BAZ1B: variants seen among roughly 807,000 people sequenced by gnomAD.
BAZ1B encodes the protein bromodomain adjacent to zinc finger domain 1B, also known as tyrosine-protein kinase BAZ1B.
Under a neutral mutation model 153.8 loss-of-function variants are expected in BAZ1B, and 22 were observed. The ratio of observed to expected loss-of-function variants is 0.14; its 90% CI spans 0.10 to 0.20. The LOEUF is 0.20. Ranked by LOEUF, BAZ1B falls within the 10% of genes least tolerant of loss-of-function variation. The probability of loss-of-function intolerance (pLI) is 1.00; values close to 1 mark genes in which losing one functional copy is unlikely to be tolerated. For synonymous variants in BAZ1B, 676 were observed against 633.4 expected (o/e 1.07, Z -1.01); for missense variants, 1,325 against 1,799.3 (o/e 0.74, Z 4.77).
chr7:73,457,750 G>A (rs782763433), intron 13 of BAZ1B, among the ~76,000 whole-genome samples: 2 of 152,148 alleles, frequency 1.3e-5, no homozygotes, highest in Non-Finnish European at 2.9e-5. Context: ...ATGATTAGAA[G>A]ACTGGAATGT....
intron 3 of BAZ1B, among the ~76,000 whole-genome samples, chr7:73,502,545 G>A (rs115897111): frequency 0.012 from 1,897 of 151,924 alleles, 42 homozygotes; most frequent in African/African-American, 0.044. Flanking sequence ...GAACAGCCTT[G>A]GCAACTTGGT....
intron 3 of BAZ1B, among the ~76,000 whole-genome samples, chr7:73,502,010 C>A (rs1790152732): frequency 6.6e-6 from 1 of 151,644 alleles, no homozygotes; most frequent in East Asian, 1.9e-4. Context: ...CCTGTCTCAG[C>A]CTTCCAAGTA....
intron 8 of BAZ1B, among the ~76,000 whole-genome samples, chr7:73,469,935 T>G (rs781854661): frequency 6.6e-6 from 1 of 152,210 alleles, no homozygotes; most frequent in Non-Finnish European, 1.5e-5. Flanking sequence ...CTTGAACTCC[T>G]GGCCTCAAGC....
chr7:73,515,106 C>T (rs1450259445), intron 1 of BAZ1B, among the ~76,000 whole-genome samples: 1 of 152,144 alleles, frequency 6.6e-6, no homozygotes, highest in Non-Finnish European at 1.5e-5. Context: ...CTCACACAAT[C>T]ACGACGAACT....
chr7:73,444,302 C>T (rs1052649558), intron 16 of BAZ1B, among the ~76,000 whole-genome samples, 173 bp from the exon 17 acceptor site: 34 of 152,284 alleles, frequency 2.2e-4, no homozygotes, highest in Non-Finnish European at 4.9e-4. Flanking sequence ...TAACAGGACA[C>T]TAAAAGGCAG....
intron 6 of BAZ1B, among the ~76,000 whole-genome samples, chr7:73,488,291 T>C (rs1259496761): frequency 6.6e-6 from 1 of 152,322 alleles, no homozygotes; most frequent in Middle Eastern, 3.4e-3. Context: ...TCAGAAATCC[T>C]AGGCCAGTGT....
intron 1 of BAZ1B, among the ~76,000 whole-genome samples, chr7:73,520,035 C>T (rs908268211): frequency 3.3e-5 from 5 of 151,966 alleles, no homozygotes; most frequent in Admixed American, 3.3e-4. Flanking sequence ...TGGTAAAACC[C>T]CATCTCTACT....
chr7:73,521,572 C>T (rs947938012), intron 1 of BAZ1B, among the ~76,000 whole-genome samples: 4 of 151,976 alleles, frequency 2.6e-5, no homozygotes, highest in Admixed American at 6.6e-5. Flanking sequence ...GGCGAGGCCC[C>T]GGGACAAAGT....
chr7:73,477,301 C>T lies in BAZ1B; in HGVS notation c.2160G>A (p.Glu720=). ...TDDNKDSAAF[E]DNEVQDEFLE... is the part of the protein sequence containing the mutation. ...GGAACTCATCTTGTACCTCATTATC[C>T]TCAAATGCAGCTGAATCTTTATTGT... Residue 720 remains glutamate (E), a synonymous_variant, in exon 7 of 20, where the codon GAG becomes GAA. Coordinates refer to ENST00000339594, the MANE Select transcript of BAZ1B (RefSeq NM_032408.4). This position sits in a 1 kb window ranked among gnomAD's most constrained non-coding sequence, Gnocchi z 5.6. 5.0e-6 allele frequency: 8 copies of T among 1,614,252 alleles called. No homozygotes were observed. Among genetic ancestry groups the T allele is most frequent in the South Asian group, 2.2e-5 (2 of 91,086 alleles).
chr7:73,513,600 C>T (rs146911454), intron 1 of BAZ1B, among the ~76,000 whole-genome samples: 6 of 152,162 alleles, frequency 3.9e-5, no homozygotes, highest in Admixed American at 6.5e-5. Flanking sequence ...TATCCCAAGA[C>T]GGATTTGTCT....
At chr7:73,469,148 G>GAAA (rs1788704121) in intron 9 of BAZ1B, among the ~76,000 whole-genome samples, 1 of 138,558 alleles carries the variant, frequency 7.2e-6, no homozygotes, top group African/African-American at 2.7e-5. Flanking sequence ...AAAAAAAAAA[G>GAAA]AAGAAGAAGA....
chr7:73,512,028 C>CAAAAAAAAAAAA (rs1168749967), intron 1 of BAZ1B, among the ~76,000 whole-genome samples: 4 of 34,750 alleles, frequency 1.2e-4, no homozygotes, highest in African/African-American at 4.9e-4. Flanking sequence ...AACTCCACCT[C>CAAAAAAAAAAAA]AAAAAAAAAA....
chr7:73,494,499 C>A (rs1554576155), intron 4 of BAZ1B, among the ~76,000 whole-genome samples: 1 of 152,178 alleles, frequency 6.6e-6, no homozygotes, highest in Non-Finnish European at 1.5e-5. Flanking sequence ...AATCCCAGAA[C>A]TCTGGGAGGC....
At chr7:73,480,150 T>A (rs1469842887) in intron 6 of BAZ1B, among the ~76,000 whole-genome samples, 1 of 147,694 alleles carries the variant, frequency 6.8e-6, no homozygotes, top group Non-Finnish European at 1.5e-5. Flanking sequence ...GGAGCAAGAC[T>A]CTGCCTCAAA....
At chr7:73,447,951 T>C (rs1220805845) in intron 15 of BAZ1B, among the ~76,000 whole-genome samples, 6 of 151,996 alleles carry the variant, frequency 3.9e-5, no homozygotes, top group African/African-American at 1.5e-4. Flanking sequence ...TGGGATGGAG[T>C]GCAAAAGAAC....
intron 8 of BAZ1B, among the ~76,000 whole-genome samples, chr7:73,470,072 T>C (rs557090573): frequency 1.3e-5 from 2 of 152,186 alleles, no homozygotes; most frequent in Non-Finnish European, 2.9e-5. Context: ...TAAAACCTAC[T>C]GCCATTTTTA....
At position 73,478,489 on chromosome 7, in the gene BAZ1B, G is replaced by T; in HGVS notation, c.972C>A (p.Asp324Glu). The change falls in exon 7 of 20, where the codon GAC (aspartate) becomes GAA (glutamate). Residue 324 changes from aspartate (D) to glutamate (E), a missense_variant. Asp to Glu is a conservative substitution (Grantham distance 45). Around this residue, in one of 9 missense-constraint regions of BAZ1B, gnomAD observed 219 missense variants for 248.2 expected, o/e 0.88. Transcript: ENST00000339594. ...DRKPSKKSKT[D>E]NSSLSSPLNP... Reference sequence around the variant, plus strand: ...TTAGTGGTGAACTAAGAGAAGAGTTGTCTGTCTTGGATTTCTTTGAGGGCT... The same window carrying T: ...TTAGTGGTGAACTAAGAGAAGAGTTTTCTGTCTTGGATTTCTTTGAGGGCT... The T allele has an allele frequency of 6.2e-6, 10 of 1,607,878 alleles. No individual in the cohort carries two copies. Among genetic ancestry groups the T allele is most frequent in the Non-Finnish European group, 8.5e-6 (10 of 1,177,392 alleles).
At chr7:73,496,770 A>G (rs1789919375) in intron 4 of BAZ1B, among the ~76,000 whole-genome samples, 1 of 152,080 alleles carries the variant, frequency 6.6e-6, no homozygotes, top group Admixed American at 6.6e-5. Context: ...TTATGGAGAG[A>G]AAAAAGTGCA....
chr7:73,442,942 G>T, intron 17 of BAZ1B, 114 bp from the exon 18 acceptor site: 1 of 817,268 alleles, frequency 1.2e-6, no homozygotes, highest in Non-Finnish European at 1.9e-6. Flanking sequence ...CTATTTCCTT[G>T]GCGCAGAGGT....
Sources: allele counts gnomAD v4.1 joint callset (sites outside exome capture counted in the v4.1 genomes callset), GRCh38; gene constraint gnomAD v4.1.1; regional missense constraint gnomAD v4.1.1; non-coding constraint Gnocchi (gnomAD v3.1); transcripts MANE v1.5; gene names NCBI Gene and HGNC (gene_info 2026-07-23, HGNC 2026-07-21).